Variants in CST3 observed in about 807,000 individuals in gnomAD.
The protein encoded by CST3 is cystatin C, also known as cystatin-C.
CST3 carries 14 observed loss-of-function variants against 9.0 expected under a neutral mutation model. The ratio of observed to expected loss-of-function variants is 1.56; its 90% confidence interval spans 1.03 to 2.44. CST3 has a LOEUF of 2.44. CST3 is among the 30% of genes most tolerant of loss of function. The pLI, the probability that CST3 is intolerant of heterozygous loss-of-function variation, is 0.00. For synonymous variants in CST3, 96 were observed against 90.2 expected (o/e 1.06, Z -0.37); for missense variants, 237 against 204.3 (o/e 1.16, Z -0.98).
Position 23,633,869 on chromosome 20 carries a change from A to T in CST3, c.*47T>A. ...CAGGGGTGGGAATACAGGGGGTGGG[A>T]GGTGTGCATAAGAGGTGATAGGCAC... is the stretch of plus-strand genomic sequence containing the variant. On this transcript the variant is annotated 3_prime_UTR_variant, in exon 3 of 3. Transcript: ENST00000376925. 6.8e-7 allele frequency: 1 copy of T among 1,471,502 alleles called. No homozygotes were observed. Among genetic ancestry groups the T allele is most frequent in the South Asian group, 1.1e-5 (1 of 88,188 alleles). The allele number at this position is 1,471,502 out of a possible 1,614,324, so 91.2% of individuals were successfully genotyped here.
exon 4 of CST3, chr20:23,626,855 T>G (rs569404322): frequency 6.6e-6 from 1 of 152,212 alleles, no homozygotes; most frequent in Non-Finnish European, 1.5e-5. Context: ...ATGGTCAAGT[T>G]TGGGGCATTT....
Position 23,637,650 on chromosome 20 carries a change from G to C in CST3, c.213C>G (p.Arg71=). 1 of 1,527,888 alleles carries C rather than the reference G, an allele frequency of 6.5e-7. No individual in the cohort carries two copies. Among genetic ancestry groups the C allele is most frequent in the Non-Finnish European group, 8.8e-7 (1 of 1,138,450 alleles). 94.6% of individuals were successfully genotyped at this position (1,527,888 alleles called of 1,614,324 possible). A position where few individuals can be genotyped will look rare whatever the true frequency, so the allele number is the denominator to read the frequency against. The change falls in exon 1 of 3, where the codon CGC becomes CGG. Residue 71 remains arginine (R), a synonymous_variant. Coordinates refer to ENST00000376925, the MANE Select transcript of CST3 (RefSeq NM_000099.4). ...NKASNDMYHS[R]ALQVVRARKQ... ...TGCGGGCGCGCACCACCTGCAGCGC[G>C]CGGCTGTGGTACATGTCGTTGCTGG... is the stretch of plus-strand genomic sequence containing the variant.
At chr20:23,635,938 G>A (rs1252516654) in intron 1 of CST3, among the ~76,000 whole-genome samples, 1 of 152,176 alleles carries the variant, frequency 6.6e-6, no homozygotes. Context: ...TCCCTGCACA[G>A]TGCCGCCCCA....
chr20:23,636,532 T>A (rs138964162), intron 1 of CST3, among the ~76,000 whole-genome samples: 181 of 151,892 alleles, frequency 1.2e-3, no homozygotes, highest in African/African-American at 4.1e-3. Context: ...AGGCCGCTAG[T>A]CCTAGGGGAC....
At chr20:23,634,516 T>C (rs1281190249) in intron 2 of CST3, among the ~76,000 whole-genome samples, 2 of 152,064 alleles carry the variant, frequency 1.3e-5, no homozygotes, top group Non-Finnish European at 2.9e-5. Context: ...TGGTGTTGGG[T>C]GAGCTGGGGC....
At chr20:23,633,591 T>C, downstream of CST3, 1 of 507,636 alleles carries the variant, frequency 2.0e-6, no homozygotes, top group Non-Finnish European at 3.6e-6. Flanking sequence ...ACAAGGAGGC[T>C]TCATAAAGGA....
intron 1 of CST3, among the ~76,000 whole-genome samples, chr20:23,636,268 C>A (rs2122478178): frequency 6.6e-6 from 1 of 152,266 alleles, no homozygotes; most frequent in East Asian, 1.9e-4. Flanking sequence ...TCTGAATTTC[C>A]AAGAGAAGGT....
Position 23,637,778 on chromosome 20 carries a change from G to T in CST3, c.85C>A (p.Pro29Thr). The change falls in exon 1 of 3, where the codon CCC becomes ACC. Residue 29 changes from proline to threonine, a missense_variant. By Grantham distance (38) the Pro-to-Thr change is conservative. Transcript: ENST00000376925. Reference sequence around the variant, plus strand: ...CCCACTAGGCGCGGCGGCTTGCCGGGACTGGAGCCGGCCGCGGGGCTCACG... The same window carrying T: ...CCCACTAGGCGCGGCGGCTTGCCGGTACTGGAGCCGGCCGCGGGGCTCACG... The part of the protein sequence containing the change: ...LAVSPAAGSS[P>T]GKPPRLVGGP... 6.5e-7 allele frequency: 1 copy of T among 1,527,718 alleles called. No homozygotes were observed. Among genetic ancestry groups the T allele is most frequent in the South Asian group, 1.2e-5 (1 of 81,760 alleles). 94.6% of individuals were successfully genotyped at this position (1,527,718 alleles called of 1,614,324 possible). A position where few individuals can be genotyped will look rare whatever the true frequency, so the allele number is the denominator to read the frequency against.
downstream of CST3, among the ~76,000 whole-genome samples, chr20:23,631,170 T>G (rs1285084996): frequency 1.3e-5 from 2 of 152,136 alleles, no homozygotes; most frequent in African/African-American, 2.4e-5. Context: ...AAATATTATA[T>G]TTAAAATGGA....
At chr20:23,627,671 G>T (rs891733835) in exon 4 of CST3, 1 of 152,176 alleles carries the variant, frequency 6.6e-6, no homozygotes, top group Non-Finnish European at 1.5e-5. Flanking sequence ...TATGTATAAA[G>T]ATTCCAATTT....
chr20:23,630,433 TAAAGG>T (rs1409863076), downstream of CST3, among the ~76,000 whole-genome samples: 1 of 152,156 alleles, frequency 6.6e-6, no homozygotes, highest in African/African-American at 2.4e-5. Flanking sequence ...TATGGGTAAT[TAAAGG>T]AATGTCTGTT....
chr20:23,632,623 C>T (rs1435498013), downstream of CST3, among the ~76,000 whole-genome samples: 1 of 152,234 alleles, frequency 6.6e-6, no homozygotes, highest in Non-Finnish European at 1.5e-5. Context: ...GGCCTTGGCG[C>T]TACTGGGGTG....
At chr20:23,628,785 G>T (rs541076127), downstream of CST3, 1 of 152,388 alleles carries the variant, frequency 6.6e-6, no homozygotes, top group Admixed American at 6.5e-5. Flanking sequence ...CTGGAGTTCA[G>T]TAGTGAAATC....
In CST3 at chr20:23,637,867, G is replaced by A. The variant is rs1435908453; in HGVS notation, c.-5C>T. The A allele has an allele frequency of 7.2e-7, 1 of 1,395,910 alleles. No homozygotes were observed. The allele number at this position is 1,395,910 out of a possible 1,614,324, so 86.5% of individuals were successfully genotyped here. A position where few individuals can be genotyped will look rare whatever the true frequency, so the allele number is the denominator to read the frequency against. The stretch of plus-strand genomic sequence containing the variant: ...GGCGCGCAGGGGCCCGGCCATGGTC[G>A]GCTAGGACGCGGGACGCGGGGAGTG... On this transcript the variant is annotated 5_prime_UTR_variant, in exon 1 of 3. Transcript: ENST00000376925.
downstream of CST3, chr20:23,628,890 T>C (rs1979346349): frequency 6.6e-6 from 1 of 152,232 alleles, no homozygotes; most frequent in African/African-American, 2.4e-5. Flanking sequence ...CTGGTTTCCT[T>C]GCTGTCTCTT....
downstream of CST3, among the ~76,000 whole-genome samples, chr20:23,630,039 C>T (rs796597171): frequency 7.9e-5 from 12 of 152,350 alleles, no homozygotes; most frequent in African/African-American, 2.9e-4. Flanking sequence ...GACCATGAGA[C>T]TATCTTTACC....
rs1181174967 is a variant in CST3, at chr20:23,637,759, A to T, written c.104T>A (p.Leu35Gln). ...GCTGGCGTCCATGGGGCCTCCCACTAGGCGCGGCGGCTTGCCGGGACTGGA... is the reference window on the plus strand; with the variant it reads ...GCTGGCGTCCATGGGGCCTCCCACTTGGCGCGGCGGCTTGCCGGGACTGGA... ...AGSSPGKPPR[L>Q]VGGPMDASVE... is the part of the protein sequence containing the mutation. The change falls in exon 1 of 3, where the codon CTA becomes CAA. Residue 35 changes from leucine (L) to glutamine (Q), a missense_variant. Physicochemically the swap from Leu to Gln is moderately radical, Grantham distance 113. Transcript: ENST00000376925. The T allele has an allele frequency of 1.3e-6, 2 of 1,530,132 alleles. No homozygotes were observed. Among genetic ancestry groups the T allele is most frequent in the Admixed American group, 4.1e-5 (2 of 49,218 alleles). 94.8% of individuals were successfully genotyped at this position (1,530,132 alleles called of 1,614,324 possible). A position where few individuals can be genotyped will look rare whatever the true frequency, so the allele number is the denominator to read the frequency against.
downstream of CST3, chr20:23,629,561 C>T (rs574902459): frequency 1.6e-4 from 24 of 152,292 alleles, no homozygotes; most frequent in African/African-American, 5.5e-4. Flanking sequence ...ACTAGGAAGG[C>T]CTTTGGTTTA....
chr20:23,630,488 TTG>T (rs1484064465), downstream of CST3, among the ~76,000 whole-genome samples: 8 of 152,212 alleles, frequency 5.3e-5, no homozygotes, highest in African/African-American at 1.4e-4. Context: ...CTTCTCAGTG[TTG>T]TGTCTTTGAG....
Sources: gnomAD v4.1 joint callset for allele counts (sites outside exome capture counted in the v4.1 genomes callset) on GRCh38, gnomAD v4.1.1 for gene constraint, MANE v1.5 for transcripts, NCBI Gene and HGNC (gene_info 2026-07-23, HGNC 2026-07-21) for gene names.